Variants in FLVCR2 observed in about 807,000 individuals in gnomAD.
The protein encoded by FLVCR2 is FLVCR choline and putative heme transporter 2, also known as choline/ethanolamine transporter FLVCR2.
FLVCR2 carries 38 observed loss-of-function variants against 48.9 expected under a neutral mutation model. That is an observed-to-expected ratio of 0.78 (90% CI 0.60 to 1.02). The LOEUF is 1.02. FLVCR2 is among the 50% of genes least tolerant of loss of function. FLVCR2 has a pLI of 0.00. For synonymous variants in FLVCR2, 255 were observed against 257.0 expected (o/e 0.99, Z 0.07); for missense variants, 664 against 663.3 (o/e 1.00, Z -0.01).
intron 1 of FLVCR2, among the ~76,000 whole-genome samples, chr14:75,615,365 C>A (rs1200743385): frequency 6.6e-6 from 1 of 152,140 alleles, no homozygotes; most frequent in Non-Finnish European, 1.5e-5. Flanking sequence ...GGAAGTGAAG[C>A]AGAACCAGGG....
At chr14:75,606,653 G>T (rs1161939397) in intron 1 of FLVCR2, among the ~76,000 whole-genome samples, 1 of 152,130 alleles carries the variant, frequency 6.6e-6, no homozygotes, top group Admixed American at 6.5e-5. Context: ...CCAGAACCAC[G>T]TGGGTGTTCA....
chr14:75,593,391 G>A (rs1888933138), intron 1 of FLVCR2, among the ~76,000 whole-genome samples: 2 of 152,184 alleles, frequency 1.3e-5, no homozygotes, highest in African/African-American at 4.8e-5. Context: ...GCCTGCAGGG[G>A]GTTGTAGCTC....
At chr14:75,623,355 C>CT (rs1464023771) in intron 2 of FLVCR2, among the ~76,000 whole-genome samples, 1 of 152,082 alleles carries the variant, frequency 6.6e-6, no homozygotes, top group East Asian at 1.9e-4. Context: ...TTTTACATCC[C>CT]TTTTTTTCAG....
Position 75,579,581 on chromosome 14 carries a change from C to G in FLVCR2, c.609C>G (p.Ser203=). Reference sequence around the variant, plus strand: ...TGGGCATGCCCTCCCGCATCGCTTCCGTCTGGTTCGGGGCTAATGAGGTTT... The same window carrying G: ...TGGGCATGCCCTCCCGCATCGCTTCGGTCTGGTTCGGGGCTAATGAGGTTT... ...FILGMPSRIA[S]VWFGANEVST... is the part of the protein sequence containing the mutation. Residue 203 remains serine, a synonymous_variant, in exon 1 of 10, where the codon TCC becomes TCG. Transcript: ENST00000238667. The G allele has an allele frequency of 6.2e-7, 1 of 1,614,096 alleles. No homozygotes were observed. Among genetic ancestry groups the G allele is most frequent in the South Asian group, 1.1e-5 (1 of 91,082 alleles).
At chr14:75,621,658 G>A (rs925478562) in intron 1 of FLVCR2, among the ~76,000 whole-genome samples, 3 of 152,102 alleles carry the variant, frequency 2.0e-5, no homozygotes, top group African/African-American at 7.2e-5. Context: ...GGGCTTGCAG[G>A]GTATAGAATT....
At position 75,597,654 on chromosome 14, in the gene FLVCR2, C is replaced by G. The variant is rs144879756; in HGVS notation, c.669+18013C>G. On this transcript the variant is annotated intron_variant, in intron 1 of 9. Coordinates refer to ENST00000238667, the MANE Select transcript of FLVCR2 (RefSeq NM_017791.3). Reference sequence around the variant, plus strand: ...GGGTGATCTTGGCTCACTGCAATCTCCACTTCCCAAGTTCAAGTCATTCTC... The same window carrying G: ...GGGTGATCTTGGCTCACTGCAATCTGCACTTCCCAAGTTCAAGTCATTCTC... Among the ~76,000 whole-genome samples the G allele has an allele frequency of 2.2e-3, 332 of 152,176 alleles. 1 individual carries two copies. The highest frequency in any genetic ancestry group is 7.4e-3 in the African/African-American group (309 of 41,510).
At chr14:75,625,465 A>C (rs542213252) in intron 3 of FLVCR2, among the ~76,000 whole-genome samples, 9 of 152,082 alleles carry the variant, frequency 5.9e-5, no homozygotes, top group African/African-American at 2.2e-4. Flanking sequence ...ACAAGGGCAA[A>C]GACAGAGCCT....
In FLVCR2 at chr14:75,641,716, C is replaced by T. The variant is rs867765946; in HGVS notation, c.1454-127C>T. ...ATTGGCTGATGGTGCCCTCAGTCACCAGCTCTCTTGACTATCTGAAGTAAG... is the reference window on the plus strand; with the variant it reads ...ATTGGCTGATGGTGCCCTCAGTCACTAGCTCTCTTGACTATCTGAAGTAAG... On this transcript the variant is annotated intron_variant, in intron 8 of 9. Transcript: ENST00000238667. 225 of 871,138 alleles carry T rather than the reference C, an allele frequency of 2.6e-4. 1 individual carries two copies. The highest frequency in any genetic ancestry group is 2.4e-3 in the Middle Eastern group (11 of 4,636). 54.0% of individuals were successfully genotyped at this position (871,138 alleles called of 1,614,324 possible).
intron 3 of FLVCR2, chr14:75,633,064 T>C (rs1195234166): frequency 4.5e-6 from 3 of 673,340 alleles, no homozygotes; most frequent in Non-Finnish European, 8.1e-6. Context: ...GGTGAATGAA[T>C]TGGTAAAGTA....
chr14:75,633,695 C>G lies in FLVCR2; in HGVS notation c.1019C>G (p.Pro340Arg). The change falls in exon 4 of 10, where the codon CCG (proline) becomes CGG (arginine). Residue 340 changes from proline (P) to arginine (R), a missense_variant and splice_region_variant. Coordinates refer to ENST00000238667, the MANE Select transcript of FLVCR2 (RefSeq NM_017791.3). ...AATCGCATGGTGATCTGGCACTACC[C>G]GGTAAGGGAGTTCCCTAAGCATGTT... ...LLNRMVIWHYPGEEVNAGRIG... is the reference protein window; with the variant it reads ...LLNRMVIWHYRGEEVNAGRIG... 1 of 1,611,308 alleles carries G rather than the reference C, an allele frequency of 6.2e-7. No individual in the cohort carries two copies. Among genetic ancestry groups the G allele is most frequent in the South Asian group, 1.1e-5 (1 of 91,022 alleles).
chr14:75,632,630 G>A (rs1421844094), intron 3 of FLVCR2: 2 of 702,188 alleles, frequency 2.8e-6, no homozygotes, highest in East Asian at 2.7e-5. Context: ...CCATTGAAGA[G>A]GAACTCCTGA....
intron 1 of FLVCR2, among the ~76,000 whole-genome samples, chr14:75,583,756 C>T (rs1463744726): frequency 1.3e-5 from 2 of 152,142 alleles, no homozygotes; most frequent in African/African-American, 4.8e-5. Context: ...AGAAGCCTGG[C>T]CGTCAATACC....
chr14:75,634,069 C>T (rs947498058), intron 4 of FLVCR2, among the ~76,000 whole-genome samples: 5 of 152,046 alleles, frequency 3.3e-5, no homozygotes, highest in Non-Finnish European at 1.5e-5. Flanking sequence ...AGCATAGTGC[C>T]TGGCAACACT....
At chr14:75,580,471 G>A (rs1383055713) in intron 1 of FLVCR2, among the ~76,000 whole-genome samples, 2 of 152,250 alleles carry the variant, frequency 1.3e-5, no homozygotes, top group Non-Finnish European at 2.9e-5. Context: ...AGTCCTGGCT[G>A]TGTGTTTAAC....
intron 1 of FLVCR2, among the ~76,000 whole-genome samples, chr14:75,613,884 C>T (rs1889533567): frequency 6.6e-6 from 1 of 152,190 alleles, no homozygotes; most frequent in African/African-American, 2.4e-5. Context: ...AACATCCAAA[C>T]CCATCATGCC....
chr14:75,615,031 A>C (rs2140030919), intron 1 of FLVCR2, among the ~76,000 whole-genome samples: 1 of 152,306 alleles, frequency 6.6e-6, no homozygotes, highest in South Asian at 2.1e-4. Context: ...GAGCCAAACC[A>C]AATCAATGGC....
chr14:75,638,201 C>T (rs1306989516), intron 5 of FLVCR2, among the ~76,000 whole-genome samples: 1 of 151,924 alleles, frequency 6.6e-6, no homozygotes, highest in Non-Finnish European at 1.5e-5. Context: ...TTTGGGAGGC[C>T]AAGGCGGGCA....
intron 1 of FLVCR2, among the ~76,000 whole-genome samples, chr14:75,614,850 C>T (rs1306510510): frequency 1.3e-5 from 2 of 152,142 alleles, no homozygotes; most frequent in African/African-American, 2.4e-5. Flanking sequence ...AGAGAGAGAG[C>T]GTCTGAAGGA....
At position 75,579,485 on chromosome 14, in the gene FLVCR2, C is replaced by T; in HGVS notation, c.513C>T (p.Ser171=). The T allele has an allele frequency of 6.2e-7, 1 of 1,613,008 alleles. No homozygotes were observed. Among genetic ancestry groups the T allele is most frequent in the Middle Eastern group, 1.7e-4 (1 of 6,058 alleles). Residue 171 remains serine, a synonymous_variant, in exon 1 of 10, where the codon AGC becomes AGT. Transcript: ENST00000238667. ...NCLGAWVKLG[S]LKPHLFPVTV... ...TGGGGGCCTGGGTGAAGCTGGGCAGCCTGAAGCCGCATCTCTTTCCGGTCA... is the reference window on the plus strand; with the variant it reads ...TGGGGGCCTGGGTGAAGCTGGGCAGTCTGAAGCCGCATCTCTTTCCGGTCA...
Sources: allele counts gnomAD v4.1 joint callset (sites outside exome capture counted in the v4.1 genomes callset), GRCh38; gene constraint gnomAD v4.1.1; transcripts MANE v1.5; gene names NCBI Gene and HGNC (gene_info 2026-07-23, HGNC 2026-07-21).